Variants in BCL9 observed in about 807,000 individuals in gnomAD.
The protein encoded by BCL9 is B-cell CLL/lymphoma 9 protein.
BCL9 carries 25 observed loss-of-function variants against 88.5 expected under a neutral mutation model. That is an observed-to-expected ratio of 0.28 (90% confidence interval 0.21 to 0.39). BCL9 has a LOEUF of 0.39. BCL9 is among the 10% of genes least tolerant of loss of function. BCL9 has a pLI of 1.00. For missense variants in BCL9, 1,817 were observed against 1,877.8 expected (o/e 0.97, Z 0.60); for synonymous variants, 711 against 673.3 (o/e 1.06, Z -0.87).
intron 1 of BCL9, among the ~76,000 whole-genome samples, chr1:147,602,088 A>G (rs1553201379): frequency 1.3e-5 from 2 of 151,840 alleles, no homozygotes. Context: ...TTTAGTAGAG[A>G]TGGGGTTTCA....
intron 1 of BCL9, among the ~76,000 whole-genome samples, chr1:147,559,671 T>G (rs2101495323): frequency 6.6e-6 from 1 of 152,292 alleles, no homozygotes; most frequent in East Asian, 1.9e-4. Flanking sequence ...AGAGAGTGCT[T>G]TTGACCCCAA....
chr1:147,607,594 C>G (rs1284147143), intron 3 of BCL9, among the ~76,000 whole-genome samples: 1 of 152,190 alleles, frequency 6.6e-6, no homozygotes, highest in African/African-American at 2.4e-5. Context: ...TTAAGGGATT[C>G]TTCTCCTCTG....
At chr1:147,622,606 G>C in intron 9 of BCL9, 75 bp downstream of exon 9, 1 of 1,557,110 alleles carries the variant, frequency 6.4e-7, no homozygotes, top group South Asian at 1.2e-5. Flanking sequence ...TTTCTCAATG[G>C]CTATACACCT....
rs1185107980 is a variant in BCL9 at position 147,541,632 on chromosome 1, C to T, written c.-520C>T. The T allele has an allele frequency of 6.6e-6, 1 of 152,058 alleles. No homozygotes were observed. The highest frequency in any genetic ancestry group is 2.4e-5 in the African/African-American group (1 of 41,372). The allele number at this position is 152,058 out of a possible 1,614,324, so 9.4% of individuals were successfully genotyped here. On this transcript the variant is annotated 5_prime_UTR_variant, in exon 1 of 10. The change creates a premature stop within an existing upstream ORF in the 5' untranslated region. Coordinates refer to ENST00000234739, the MANE Select transcript of BCL9 (RefSeq NM_004326.4). ...TTTGTCTTCATTCACTTTCCCCCCT[C>T]AGTTTCTGAAATGATTCTCCAGAAT...
At chr1:147,562,506 T>C (rs1655425970) in intron 1 of BCL9, among the ~76,000 whole-genome samples, 1 of 152,130 alleles carries the variant, frequency 6.6e-6, no homozygotes, top group Non-Finnish European at 1.5e-5. Context: ...ATGGGTTGGA[T>C]TGCAGAAGGA....
At chr1:147,557,112 G>A (rs189472091) in intron 1 of BCL9, among the ~76,000 whole-genome samples, 9 of 152,318 alleles carry the variant, frequency 5.9e-5, no homozygotes, top group Non-Finnish European at 1.2e-4. Flanking sequence ...TGCAAGATAA[G>A]ATGATATATA....
At chr1:147,580,524 C>T (rs1553198507) in intron 1 of BCL9, among the ~76,000 whole-genome samples, 3 of 152,142 alleles carry the variant, frequency 2.0e-5, no homozygotes, top group Non-Finnish European at 4.4e-5. Flanking sequence ...AAGCATCGTG[C>T]ACAGTGGTTT....
intron 1 of BCL9, among the ~76,000 whole-genome samples, chr1:147,587,112 C>T (rs1656647086): frequency 6.6e-6 from 1 of 152,006 alleles, no homozygotes; most frequent in Admixed American, 6.6e-5. Flanking sequence ...AGACCCGGCT[C>T]ATATGTCACT....
At chr1:147,617,106 T>C (rs597577) in intron 7 of BCL9, among the ~76,000 whole-genome samples, 110,451 of 152,192 alleles carry the variant, frequency 0.73, 40,395 homozygotes, top group African/African-American at 0.82. Flanking sequence ...AGGAATTTCA[T>C]ATTCCCCATG....
At position 147,625,933 on chromosome 1, in the gene BCL9, T is replaced by C. The variant is rs1477072451; in HGVS notation, c.*974T>C. ...CCTTGGGATGCTCTCTGGTCTTTTTTCCCCCTAAGTCTTTCTCTTTCCCAT... is the reference window on the plus strand; with the variant it reads ...CCTTGGGATGCTCTCTGGTCTTTTTCCCCCCTAAGTCTTTCTCTTTCCCAT... On this transcript the variant is annotated 3_prime_UTR_variant, in exon 10 of 10. Coordinates refer to ENST00000234739, the MANE Select transcript of BCL9 (RefSeq NM_004326.4). The C allele has an allele frequency of 3.4e-5, 8 of 232,804 alleles. No homozygotes were observed. Among genetic ancestry groups the C allele is most frequent in the African/African-American group, 1.8e-4 (8 of 45,290 alleles). 14.4% of individuals were successfully genotyped at this position (232,804 alleles called of 1,614,324 possible).
rs1655684201 is a variant in BCL9, at chr1:147,567,945, C to T, written c.-478+26271C>T. 3.3e-5 allele frequency among the ~76,000 whole-genome samples: 5 copies of T among 152,316 alleles called. No homozygotes were observed. The South Asian group carries it at 1.0e-3, about 32-fold the overall frequency. ...CCCATTGCAGCTCTAACAATCACAC[C>T]TTGAAAGTGTGTTCCTTACTGCTCT... On this transcript the variant is annotated intron_variant, in intron 1 of 9. Transcript: ENST00000234739.
At chr1:147,621,962 C>G (rs868967507) in intron 8 of BCL9, among the ~76,000 whole-genome samples, 8 of 152,168 alleles carry the variant, frequency 5.3e-5, no homozygotes, top group South Asian at 2.1e-4. Flanking sequence ...ATTTCACATT[C>G]TATTCAGTGA....
At chr1:147,602,798 CTCT>C (rs1657467862) in intron 1 of BCL9, among the ~76,000 whole-genome samples, 1 of 151,794 alleles carries the variant, frequency 6.6e-6, no homozygotes, top group South Asian at 2.1e-4. Flanking sequence ...AGAAAATGCT[CTCT>C]TGTTTGTGGG....
chr1:147,590,573 G>A (rs1482894823), intron 1 of BCL9, among the ~76,000 whole-genome samples: 9 of 150,736 alleles, frequency 6.0e-5, no homozygotes, highest in African/African-American at 2.2e-4. Context: ...CGTGGATATG[G>A]AATTGGAGGA....
chr1:147,622,614 C>A (rs1456192745), intron 9 of BCL9, 83 bp downstream of exon 9: 3 of 1,519,668 alleles, frequency 2.0e-6, no homozygotes, highest in Non-Finnish European at 2.7e-6. Flanking sequence ...TGGCTATACA[C>A]CTGAATAGGT....
chr1:147,608,955 C>T (rs1035957101), intron 3 of BCL9, among the ~76,000 whole-genome samples: 14 of 152,168 alleles, frequency 9.2e-5, no homozygotes, highest in Middle Eastern at 6.3e-3. Context: ...TTGCAGAGCC[C>T]GTTTTCCCAT....
intron 1 of BCL9, among the ~76,000 whole-genome samples, chr1:147,560,316 G>A (rs929885561): frequency 3.3e-5 from 5 of 152,122 alleles, no homozygotes; most frequent in African/African-American, 9.7e-5. Flanking sequence ...CAGGCCGGGC[G>A]CGGTGGCTCA....
chr1:147,583,396 G>A lies in BCL9; in HGVS notation c.-477-21381G>A, dbSNP rs190385535. ...AGGTTCAAGTAATCCTCCCGCCTCA[G>A]CCTCCCAAGTAGCTGGGATTATAAG... On this transcript the variant is annotated intron_variant, in intron 1 of 9. Coordinates refer to ENST00000234739, the MANE Select transcript of BCL9 (RefSeq NM_004326.4). Among the ~76,000 whole-genome samples the A allele has an allele frequency of 4.0e-3, 604 of 152,006 alleles. 4 individuals are homozygous for A. The highest frequency in any genetic ancestry group is 0.014 in the African/African-American group (585 of 41,446).
At chr1:147,558,455 G>A (rs142221854) in intron 1 of BCL9, among the ~76,000 whole-genome samples, 2 of 152,292 alleles carry the variant, frequency 1.3e-5, no homozygotes, top group East Asian at 3.9e-4. Flanking sequence ...TCTAAGAGTA[G>A]AAGGAAATCT....
Sources: gnomAD v4.1 joint callset for allele counts (sites outside exome capture counted in the v4.1 genomes callset) on GRCh38, gnomAD v4.1.1 for gene constraint, MANE v1.5 for transcripts, NCBI Gene and HGNC (gene_info 2026-07-23, HGNC 2026-07-21) for gene names.